Variants in NEBL observed in about 807,000 individuals in gnomAD.
The protein encoded by NEBL is LIM and SH3 protein 2.
Under a neutral mutation model 140.2 loss-of-function variants are expected in NEBL, and 122 were observed. That is an observed-to-expected ratio of 0.87 (90% CI 0.75 to 1.01). NEBL has a LOEUF of 1.01. Among genes scored for constraint, NEBL ranks in the 50% least tolerant of loss-of-function variants. The pLI, the probability that NEBL is intolerant of heterozygous loss-of-function variation, is 0.00. For synonymous variants in NEBL, 436 were observed against 398.9 expected, an observed-to-expected ratio of 1.09 and a Z score of -1.11; for missense variants, 1,365 against 1,231.3, an observed-to-expected ratio of 1.11 and a Z score of -1.62.
At chr10:21,185,258 C>T (rs1219605619) in intron 3 of NEBL, among the ~76,000 whole-genome samples, 1 of 152,140 alleles carries the variant, frequency 6.6e-6, no homozygotes, top group Non-Finnish European at 1.5e-5. Flanking sequence ...TGTTCTGGCT[C>T]CTTACAAGAG....
At chr10:20,838,785 A>C (rs1190558569) in intron 13 of NEBL, among the ~76,000 whole-genome samples, 1 of 152,294 alleles carries the variant, frequency 6.6e-6, no homozygotes, top group Non-Finnish European at 1.5e-5. Context: ...TATAGAGACA[A>C]GACCCTCCGC....
intron 2 of NEBL, among the ~76,000 whole-genome samples, chr10:21,088,080 A>G (rs917107519): frequency 2.6e-5 from 4 of 152,130 alleles, no homozygotes; most frequent in Non-Finnish European, 4.4e-5. Flanking sequence ...CTCCCCTACC[A>G]TTCATGCTAC....
At chr10:21,284,578 T>C (rs1564555880) in intron 1 of NEBL, among the ~76,000 whole-genome samples, 2 of 152,324 alleles carry the variant, frequency 1.3e-5, no homozygotes, top group East Asian at 3.9e-4. Context: ...TAACTCTTAA[T>C]TGTGTTTTTA....
At chr10:20,910,523 C>G (rs16921248) in intron 4 of NEBL, among the ~76,000 whole-genome samples, 12,134 of 152,156 alleles carry the variant, frequency 0.08, 666 homozygotes, top group Admixed American at 0.14. Context: ...GTGAAGGCAG[C>G]TAAACCCTCA....
chr10:20,919,489 A>G (rs1022248512), intron 4 of NEBL, among the ~76,000 whole-genome samples: 5 of 152,236 alleles, frequency 3.3e-5, no homozygotes, highest in African/African-American at 7.2e-5. Flanking sequence ...GAAAATTTCC[A>G]TTATTAGAGC....
At chr10:20,857,938 G>C (rs1477130746) in intron 9 of NEBL, among the ~76,000 whole-genome samples, 2 of 152,146 alleles carry the variant, frequency 1.3e-5, no homozygotes, top group Admixed American at 6.6e-5. Flanking sequence ...TGAACTTCAA[G>C]TGGCTTTAAT....
chr10:21,166,427 CA>C (rs1469972835), intron 2 of NEBL, among the ~76,000 whole-genome samples: 1 of 152,022 alleles, frequency 6.6e-6, no homozygotes, highest in Non-Finnish European at 1.5e-5. Flanking sequence ...GGTAGCAGCC[CA>C]TAGTGCGAAA....
intron 2 of NEBL, among the ~76,000 whole-genome samples, chr10:21,037,348 A>G (rs1474799111): frequency 6.6e-6 from 1 of 152,136 alleles, no homozygotes; most frequent in Non-Finnish European, 1.5e-5. Context: ...ATGCATGAGA[A>G]CCCTGAAAAC....
At chr10:20,963,180 T>C (rs1037919452) in intron 3 of NEBL, among the ~76,000 whole-genome samples, 12 of 152,228 alleles carry the variant, frequency 7.9e-5, no homozygotes, top group Admixed American at 1.3e-4. Context: ...GCAATATTTT[T>C]CTTCCACATA....
chr10:21,026,939 G>T lies in NEBL; in HGVS notation c.165-6738C>A, dbSNP rs143393221. 8.5e-5 allele frequency among the ~76,000 whole-genome samples: 13 copies of T among 152,146 alleles called. No homozygotes were observed. In the East Asian group the frequency reaches 2.5e-3, roughly 29 times the overall value. Reference sequence around the variant, plus strand: ...TTGGTGATAACCCACTCCCCCTCTTGGCCACCCATGGGCACTAAGTCTCTA... The same window carrying T: ...TTGGTGATAACCCACTCCCCCTCTTTGCCACCCATGGGCACTAAGTCTCTA... On this transcript the variant is annotated intron_variant, in intron 2 of 6. Transcript: ENST00000417816.
Position 21,088,496 on chromosome 10 carries a change from A to G in NEBL, c.165-68295T>C, listed in dbSNP as rs997601584. 4.6e-5 allele frequency among the ~76,000 whole-genome samples: 7 copies of G among 152,106 alleles called. No homozygotes were observed. In the South Asian group the frequency reaches 6.2e-4, roughly 14 times the overall value. Reference sequence around the variant, plus strand: ...GAGATTCTGTCTCTTAAAAAACAAAACAAAACCTTCTGCCCAGAAGTGACA... The same window carrying G: ...GAGATTCTGTCTCTTAAAAAACAAAGCAAAACCTTCTGCCCAGAAGTGACA... On this transcript the variant is annotated intron_variant, in intron 2 of 6. Coordinates refer to the NEBL transcript ENST00000417816.
intron 2 of NEBL, among the ~76,000 whole-genome samples, chr10:21,069,275 C>G (rs911612747): frequency 6.6e-6 from 1 of 152,184 alleles, no homozygotes; most frequent in Non-Finnish European, 1.5e-5. Flanking sequence ...GAGAAGTTCT[C>G]CCTTCGTTTT....
At chr10:20,919,775 C>T (rs762085631) in intron 4 of NEBL, among the ~76,000 whole-genome samples, 4 of 151,972 alleles carry the variant, frequency 2.6e-5, no homozygotes, top group African/African-American at 4.8e-5. Context: ...ATTCCTAACT[C>T]AAAATCCGGA....
intron 2 of NEBL, among the ~76,000 whole-genome samples, chr10:21,060,729 C>A (rs1475725237): frequency 6.6e-6 from 1 of 152,088 alleles, no homozygotes; most frequent in Admixed American, 6.6e-5. Flanking sequence ...ATTCTCTCTT[C>A]CATTTCAATC....
chr10:21,175,208 CCTT>C (rs1362064689), upstream of NEBL, among the ~76,000 whole-genome samples: 6 of 152,280 alleles, frequency 3.9e-5, no homozygotes, highest in African/African-American at 1.4e-4. Context: ...AATGATGTGA[CCTT>C]CTGCAAATTC....
intron 27 of NEBL, among the ~76,000 whole-genome samples, chr10:20,786,890 G>T (rs1193474733): frequency 1.3e-5 from 2 of 152,156 alleles, no homozygotes; most frequent in African/African-American, 4.8e-5. Flanking sequence ...AAATATCCAT[G>T]CTCCTAAGGC....
rs550412678 is a variant in NEBL, at chr10:21,236,312, T to C, written n.348+11609A>G. ...CTCATGTTTTGTCATTCTGGTTTTG[T>C]TACTCACCTACTTTATTTTATTCCT... On this transcript the variant is annotated intron_variant and non_coding_transcript_variant, in intron 3 of 8. Coordinates refer to the NEBL transcript ENST00000675702. Among the ~76,000 whole-genome samples the C allele has an allele frequency of 1.2e-3, 179 of 152,148 alleles. 1 individual carries two copies. The highest frequency in any genetic ancestry group is 6.8e-3 in the Middle Eastern group (2 of 294).
At chr10:21,090,730 G>A (rs1045391983) in intron 2 of NEBL, among the ~76,000 whole-genome samples, 49 of 152,022 alleles carry the variant, frequency 3.2e-4, no homozygotes, top group Admixed American at 3.0e-3. Context: ...CCGCCCTATC[G>A]CCACCTGGTT....
In NEBL at chr10:20,852,511, A is replaced by C. The variant is rs768437141; in HGVS notation, c.1008+34T>G. ...CTCAGGATGGTTACGGGTTGCTGGC[A>C]GGGAGGGTAGGTACCGTACGGGCAA... is the stretch of plus-strand genomic sequence containing the variant. On this transcript the variant is annotated intron_variant, in intron 10 of 27. Transcript: ENST00000377122. The C allele has an allele frequency of 1.7e-5, 26 of 1,487,194 alleles. No individual in the cohort carries two copies. The East Asian group carries it at 5.4e-4, about 31-fold the overall frequency. The allele number at this position is 1,487,194 out of a possible 1,614,324, so 92.1% of individuals were successfully genotyped here. A position where few individuals can be genotyped will look rare whatever the true frequency, so the allele number is the denominator to read the frequency against.
Sources: allele counts gnomAD v4.1 joint callset (sites outside exome capture counted in the v4.1 genomes callset), GRCh38; gene constraint gnomAD v4.1.1; transcripts MANE v1.5; gene names NCBI Gene and HGNC (gene_info 2026-07-23, HGNC 2026-07-21).